MGMT: variants seen among roughly 807,000 people sequenced by gnomAD.
MGMT encodes O-6-methylguanine-DNA methyltransferase.
Under a neutral mutation model 15.9 loss-of-function variants are expected in MGMT, and 14 were observed. The observed-to-expected ratio is 0.88, with a 90% CI of 0.58 to 1.37. The LOEUF is 1.37. Ranked by LOEUF, MGMT falls within the 40% of genes most tolerant of loss-of-function variation. The pLI, the probability that MGMT is intolerant of heterozygous loss-of-function variation, is 0.00. For synonymous variants in MGMT, 130 were observed against 118.2 expected (o/e 1.10, Z -0.65); for missense variants, 282 against 268.1 (o/e 1.05, Z -0.36).
At chr10:129,650,722 G>A (rs545446387) in intron 2 of MGMT, among the ~76,000 whole-genome samples, 1 of 152,286 alleles carries the variant, frequency 6.6e-6, no homozygotes, top group East Asian at 1.9e-4. Flanking sequence ...AGTACTTTGG[G>A]TGGTGGTAAA....
rs1312056738 is a variant in MGMT at position 129,611,551 on chromosome 10, A to T, written c.125+75174A>T. On this transcript the variant is annotated intron_variant, in intron 2 of 4. Transcript: ENST00000651593. ...ACAGAGCCAAACCATATCAGGGAGT[A>T]TTCCCAGGATACACTCTGTAAGGAA... Among the ~76,000 whole-genome samples the T allele has an allele frequency of 8.5e-5, 13 of 152,364 alleles. No homozygotes were observed. In the East Asian group the frequency reaches 2.1e-3, roughly 25 times the overall value.
intron 2 of MGMT, among the ~76,000 whole-genome samples, chr10:129,658,762 T>C (rs549514372): frequency 6.6e-6 from 1 of 152,330 alleles, no homozygotes; most frequent in East Asian, 1.9e-4. Flanking sequence ...ATTGGCTAGC[T>C]GGATTCCAGC....
chr10:129,474,443 G>A (rs944061591), intron 1 of MGMT, among the ~76,000 whole-genome samples: 1 of 152,178 alleles, frequency 6.6e-6, no homozygotes, highest in African/African-American at 2.4e-5. Context: ...GTTTAGAATC[G>A]CTTTTCTTAT....
chr10:129,694,383 G>C (rs1335225951), intron 2 of MGMT: 3 of 152,282 alleles, frequency 2.0e-5, no homozygotes, highest in Non-Finnish European at 2.9e-5. Context: ...CCCTGGGAGG[G>C]CTGAGACCTG....
At chr10:129,475,006 G>C (rs1845274867) in intron 1 of MGMT, among the ~76,000 whole-genome samples, 1 of 152,136 alleles carries the variant, frequency 6.6e-6, no homozygotes, top group Non-Finnish European at 1.5e-5. Flanking sequence ...CTTTGTTGGG[G>C]GGGGTGTTGG....
At chr10:129,529,454 A>G (rs1023754522) in intron 1 of MGMT, among the ~76,000 whole-genome samples, 3 of 152,210 alleles carry the variant, frequency 2.0e-5, no homozygotes, top group African/African-American at 4.8e-5. Flanking sequence ...TCACACTCCT[A>G]TGAGAATTTA....
chr10:129,737,753 T>C (rs1471074168), intron 3 of MGMT, among the ~76,000 whole-genome samples: 1 of 152,238 alleles, frequency 6.6e-6, no homozygotes, highest in Non-Finnish European at 1.5e-5. Flanking sequence ...CCTTTCTGTT[T>C]GTTAGTTTTC....
intron 2 of MGMT, among the ~76,000 whole-genome samples, chr10:129,551,921 C>T (rs536729389): frequency 1.3e-5 from 2 of 152,296 alleles, no homozygotes; most frequent in African/African-American, 2.4e-5. Context: ...AAAGGCGAGT[C>T]CCCAGGGTGT....
intron 4 of MGMT, among the ~76,000 whole-genome samples, chr10:129,760,622 C>G (rs527440255): frequency 4.6e-5 from 7 of 152,342 alleles, no homozygotes; most frequent in African/African-American, 1.7e-4. Context: ...GGGGGCAGAG[C>G]CTCCGTTTCT....
chr10:129,525,446 C>T lies in MGMT; in HGVS notation c.-12-10795C>T, dbSNP rs148131036. 1.3e-3 allele frequency among the ~76,000 whole-genome samples: 205 copies of T among 152,220 alleles called. 1 individual carries two copies. Among genetic ancestry groups the T allele is most frequent in the African/African-American group, 4.2e-3 (173 of 41,522 alleles). On this transcript the variant is annotated intron_variant, in intron 1 of 4. Transcript: ENST00000651593. ...TTCACGTTGGTTTTATAATGTGCCA[C>T]GCGTCAGGTGTTATTTCGATGACTA...
chr10:129,597,106 TC>T (rs961863456), intron 2 of MGMT, among the ~76,000 whole-genome samples: 18 of 152,154 alleles, frequency 1.2e-4, no homozygotes, highest in African/African-American at 4.3e-4. Flanking sequence ...TACCTTGCTT[TC>T]TTTTGTGAGC....
chr10:129,739,769 G>GT (rs1159064885), intron 3 of MGMT, among the ~76,000 whole-genome samples: 2 of 152,132 alleles, frequency 1.3e-5, no homozygotes, highest in African/African-American at 4.8e-5. Flanking sequence ...CACATTATGA[G>GT]TTTTTTTATG....
At chr10:129,611,539 A>G (rs1448227463) in intron 2 of MGMT, among the ~76,000 whole-genome samples, 1 of 152,244 alleles carries the variant, frequency 6.6e-6, no homozygotes, top group East Asian at 1.9e-4. Context: ...GAGCCAAACC[A>G]TATCAGGGAG....
At chr10:129,718,035 A>G (rs1183509550) in intron 3 of MGMT, among the ~76,000 whole-genome samples, 1 of 152,146 alleles carries the variant, frequency 6.6e-6, no homozygotes, top group Non-Finnish European at 1.5e-5. Context: ...GCTGTGAGAG[A>G]CACACAGAGC....
At chr10:129,759,113 C>T (rs1043845872) in intron 3 of MGMT, 89 bp from the exon 4 acceptor site, 56 of 1,451,638 alleles carry the variant, frequency 3.9e-5, no homozygotes, top group East Asian at 7.1e-5. Flanking sequence ...TGTGTAGATG[C>T]GTTTCCTGTT....
intron 2 of MGMT, among the ~76,000 whole-genome samples, chr10:129,571,689 A>G (rs1846421528): frequency 6.6e-6 from 1 of 152,202 alleles, no homozygotes; most frequent in South Asian, 2.1e-4. Context: ...AAAGCAATTT[A>G]GCTTGTGAGG....
intron 1 of MGMT, among the ~76,000 whole-genome samples, chr10:129,521,291 C>T (rs1845807480): frequency 6.6e-6 from 1 of 152,182 alleles, no homozygotes; most frequent in African/African-American, 2.4e-5. Flanking sequence ...GTGTGTCCCC[C>T]TGTTGCCCGG....
chr10:129,687,348 A>G (rs1392241907), intron 2 of MGMT, among the ~76,000 whole-genome samples: 1 of 151,872 alleles, frequency 6.6e-6, no homozygotes. Flanking sequence ...CGTATCACCC[A>G]AAGTTCTTTG....
At chr10:129,629,575 G>A (rs558207282) in intron 2 of MGMT, among the ~76,000 whole-genome samples, 1 of 152,334 alleles carries the variant, frequency 6.6e-6, no homozygotes, top group African/African-American at 2.4e-5. Context: ...GGCACTGTGT[G>A]TGAGTGATGC....
Sources: gnomAD v4.1 joint callset for allele counts (sites outside exome capture counted in the v4.1 genomes callset) on GRCh38, gnomAD v4.1.1 for gene constraint, MANE v1.5 for transcripts, NCBI Gene and HGNC (gene_info 2026-07-23, HGNC 2026-07-21) for gene names.